DPP6: variants seen among roughly 807,000 people sequenced by gnomAD.
The protein encoded by DPP6 is dipeptidyl peptidase like 6.
Under a neutral mutation model 122.6 loss-of-function variants are expected in DPP6, and 69 were observed. That is an observed-to-expected ratio of 0.56 (90% CI 0.46 to 0.69). The LOEUF (loss-of-function observed/expected upper bound fraction) is 0.69. Among genes scored for constraint, DPP6 ranks in the 30% least tolerant of loss-of-function variants. The pLI, the probability that DPP6 is intolerant of heterozygous loss-of-function variation, is 0.00. For synonymous variants in DPP6, 418 were observed against 433.1 expected (o/e 0.97, Z 0.43); for missense variants, 928 against 1,116.9 (o/e 0.83, Z 2.41).
At chr7:153,980,478 T>C (rs563617886) in intron 1 of DPP6, among the ~76,000 whole-genome samples, 46 of 152,286 alleles carry the variant, frequency 3.0e-4, no homozygotes, top group Middle Eastern at 3.4e-3. Flanking sequence ...TCTATTTTGT[T>C]AATCTTTTAA....
At chr7:153,903,950 T>G (rs1799742392) in intron 1 of DPP6, among the ~76,000 whole-genome samples, 1 of 152,206 alleles carries the variant, frequency 6.6e-6, no homozygotes. Context: ...TCAATCATCC[T>G]ATGTGTGACA....
intron 2 of DPP6, among the ~76,000 whole-genome samples, chr7:154,451,575 A>T (rs1484122692): frequency 1.3e-5 from 2 of 152,106 alleles, no homozygotes; most frequent in Non-Finnish European, 2.9e-5. Flanking sequence ...CCCTGCCAGC[A>T]TCTACATTCA....
intron 1 of DPP6, among the ~76,000 whole-genome samples, chr7:154,378,378 C>T (rs2151135960): frequency 6.6e-6 from 1 of 152,256 alleles, no homozygotes; most frequent in Middle Eastern, 3.4e-3. Context: ...ATTTAAGGCC[C>T]TCTTAAAAAC....
chr7:154,096,439 T>G (rs540641824), intron 1 of DPP6, among the ~76,000 whole-genome samples: 92 of 133,502 alleles, frequency 6.9e-4, no homozygotes, highest in African/African-American at 2.6e-3. Flanking sequence ...GGTATTTATA[T>G]AAGAATGATT....
intron 1 of DPP6, among the ~76,000 whole-genome samples, chr7:154,433,167 A>C (rs1818580700): frequency 2.9e-5 from 2 of 68,202 alleles, no homozygotes; most frequent in Non-Finnish European, 2.5e-5. Flanking sequence ...TTTTTTTGAG[A>C]CAGAGTCTCA....
chr7:154,667,033 G>A (rs1020233396), intron 6 of DPP6, among the ~76,000 whole-genome samples: 2 of 152,164 alleles, frequency 1.3e-5, no homozygotes, highest in Admixed American at 6.5e-5. Flanking sequence ...TCTCATAGGT[G>A]AGAAATGATA....
intron 21 of DPP6, chr7:154,884,428 C>A (rs1238759487): frequency 6.8e-6 from 1 of 146,730 alleles, no homozygotes; most frequent in Non-Finnish European, 1.5e-5. Flanking sequence ...CATGCTCCCA[C>A]ATGCTCACCT....
At chr7:154,147,651 TGTG>T (rs1796176391) in intron 1 of DPP6, among the ~76,000 whole-genome samples, 3 of 20,462 alleles carry the variant, frequency 1.5e-4, no homozygotes, top group African/African-American at 2.5e-4. Flanking sequence ...AGCTAATTTG[TGTG>T]TGTGTGTGTG....
At chr7:153,873,599 GT>G in the DPP6 span, among the ~76,000 whole-genome samples, 1 of 152,172 alleles carries the variant, frequency 6.6e-6, no homozygotes, top group Non-Finnish European at 1.5e-5. Flanking sequence ...TTAAAAGATG[GT>G]TTATTCTCGA....
At chr7:153,823,185 A>C in the DPP6 span, among the ~76,000 whole-genome samples, 21,708 of 150,812 alleles carry the variant, frequency 0.14, 1,629 homozygotes, top group East Asian at 0.21. Context: ...AAAAATGACA[A>C]CTTGGATTTC....
chr7:154,843,005 C>T (rs1271264110), intron 16 of DPP6, among the ~76,000 whole-genome samples: 2 of 152,172 alleles, frequency 1.3e-5, no homozygotes, highest in East Asian at 1.9e-4. Flanking sequence ...CATATGTTCA[C>T]GTGAATTTGG....
At chr7:154,722,093 G>A (rs994610686) in intron 7 of DPP6, among the ~76,000 whole-genome samples, 12 of 152,188 alleles carry the variant, frequency 7.9e-5, no homozygotes, top group African/African-American at 2.9e-4. Flanking sequence ...TACCTGGGAG[G>A]CTGAGGCAGG....
chr7:154,061,688 CA>C, intron 1 of DPP6, among the ~76,000 whole-genome samples: 1 of 117,762 alleles, frequency 8.5e-6, no homozygotes. Context: ...CTCTTGGGAC[CA>C]CCATCGCAGG....
chr7:154,307,322 G>A (rs1367928703), intron 1 of DPP6, among the ~76,000 whole-genome samples: 1 of 152,176 alleles, frequency 6.6e-6, no homozygotes, highest in Non-Finnish European at 1.5e-5. Flanking sequence ...TTCAATCGGA[G>A]AAGGCTTAAA....
chr7:153,851,462 G>T, the DPP6 span, among the ~76,000 whole-genome samples: 1 of 151,832 alleles, frequency 6.6e-6, no homozygotes, highest in South Asian at 2.1e-4. Flanking sequence ...TTCACCTTTT[G>T]TCTGAAACAT....
At chr7:153,884,610 A>G (rs1402144692), upstream of DPP6, among the ~76,000 whole-genome samples, 1 of 152,218 alleles carries the variant, frequency 6.6e-6, no homozygotes, top group Non-Finnish European at 1.5e-5. Flanking sequence ...CTTAACATAA[A>G]GGTTTAATCC....
At chr7:153,798,845 A>C in the DPP6 span, among the ~76,000 whole-genome samples, 6 of 152,200 alleles carry the variant, frequency 3.9e-5, no homozygotes, top group Admixed American at 1.3e-4. Flanking sequence ...TTCAGGTATT[A>C]GATTCTCATA....
chr7:154,396,568 G>T (rs1815107239), intron 1 of DPP6, among the ~76,000 whole-genome samples: 1 of 152,204 alleles, frequency 6.6e-6, no homozygotes, highest in Admixed American at 6.5e-5. Flanking sequence ...AAGACAATCG[G>T]TGAAGGATTG....
At chr7:154,450,673 G>A (rs1319333479) in intron 2 of DPP6, among the ~76,000 whole-genome samples, 1 of 152,194 alleles carries the variant, frequency 6.6e-6, no homozygotes, top group Admixed American at 6.5e-5. Context: ...TCAATGCCCA[G>A]GAAACAGATC....
Sources: gnomAD v4.1 joint callset for allele counts (sites outside exome capture counted in the v4.1 genomes callset) on GRCh38, gnomAD v4.1.1 for gene constraint, MANE v1.5 for transcripts, NCBI Gene and HGNC (gene_info 2026-07-23, HGNC 2026-07-21) for gene names.